The following ATP8A2 variants were observed in gnomAD, a reference collection of about 807,000 sequenced individuals.
ATP8A2 encodes ATPase phospholipid transporting 8A2.
A neutral mutation model predicts 165.6 loss-of-function variants in ATP8A2; 100 were observed. The ratio of observed to expected loss-of-function variants is 0.60; its 90% CI spans 0.51 to 0.71. The LOEUF is 0.71. Ranked by LOEUF, ATP8A2 falls within the 30% of genes least tolerant of loss-of-function variation. The probability of loss-of-function intolerance (pLI) is 0.00; values close to 1 mark genes in which losing one functional copy is unlikely to be tolerated. For synonymous variants in ATP8A2, 543 were observed against 548.8 expected, an observed-to-expected ratio of 0.99 and a Z score of 0.15; for missense variants, 1,227 against 1,479.5, an observed-to-expected ratio of 0.83 and a Z score of 2.80.
intron 30 of ATP8A2, among the ~76,000 whole-genome samples, chr13:25,841,080 C>T (rs983383622): frequency 6.6e-5 from 10 of 152,178 alleles, no homozygotes; most frequent in African/African-American, 1.9e-4. Flanking sequence ...GCAGTGGAGA[C>T]GATGGTTTTC....
At chr13:25,674,833 T>C (rs1015413990) in intron 24 of ATP8A2, among the ~76,000 whole-genome samples, 3 of 152,206 alleles carry the variant, frequency 2.0e-5, no homozygotes, top group Non-Finnish European at 4.4e-5. Context: ...GAAGTAAGAA[T>C]TTGCTTATAG....
intron 33 of ATP8A2, among the ~76,000 whole-genome samples, chr13:25,892,064 G>A (rs901752285): frequency 6.6e-6 from 1 of 151,082 alleles, no homozygotes; most frequent in Non-Finnish European, 1.5e-5. Context: ...TTGGCTCACT[G>A]CAAGCTCCAC....
intron 33 of ATP8A2, among the ~76,000 whole-genome samples, chr13:25,885,707 A>G (rs1953128926): frequency 6.6e-6 from 1 of 152,196 alleles, no homozygotes. Flanking sequence ...AGAATTAAAC[A>G]ATCAGAAACT....
chr13:25,918,093 G>A (rs989767449), intron 33 of ATP8A2, among the ~76,000 whole-genome samples: 2 of 152,214 alleles, frequency 1.3e-5, no homozygotes, highest in African/African-American at 4.8e-5. Context: ...TTCATCACTT[G>A]TAAAGTGGAA....
chr13:25,388,934 G>A (rs1184236432), intron 1 of ATP8A2, among the ~76,000 whole-genome samples: 1 of 152,196 alleles, frequency 6.6e-6, no homozygotes, highest in African/African-American at 2.4e-5. Context: ...GAAAGCCAAT[G>A]GGAATCCAAT....
chr13:26,001,700 C>T (rs1216029336), intron 35 of ATP8A2, among the ~76,000 whole-genome samples: 1 of 151,892 alleles, frequency 6.6e-6, no homozygotes, highest in African/African-American at 2.4e-5. Context: ...AGTCCTTTGC[C>T]CATTTTTTAA....
In ATP8A2 at chr13:25,574,803, T is replaced by A. The variant is rs2039569911; in HGVS notation, c.1663-5T>A. On this transcript the variant is annotated splice_polypyrimidine_tract_variant and splice_region_variant and intron_variant, in intron 18 of 36. Transcript: ENST00000381655. The stretch of plus-strand genomic sequence containing the variant: ...TCGGTTAAGAGCCTATTTTTCTTCC[T>A]TTAGATGGGACAGGAACAAACATTC... The A allele has an allele frequency of 3.2e-6, 5 of 1,551,300 alleles. No individual in the cohort carries two copies. The East Asian group carries it at 1.1e-4, about 35-fold the overall frequency.
At chr13:25,765,296 A>C (rs2044468477) in intron 25 of ATP8A2, among the ~76,000 whole-genome samples, 1 of 152,236 alleles carries the variant, frequency 6.6e-6, no homozygotes, top group African/African-American at 2.4e-5. Context: ...AGTGCCCCCA[A>C]GCACCTAGCT....
intron 1 of ATP8A2, among the ~76,000 whole-genome samples, chr13:25,461,261 C>A (rs1337956301): frequency 6.6e-6 from 1 of 152,146 alleles, no homozygotes; most frequent in Non-Finnish European, 1.5e-5. Flanking sequence ...CTTGAAAAGG[C>A]CTTCGAAATG....
At chr13:25,531,227 T>TTA (rs1284703150) in intron 4 of ATP8A2, among the ~76,000 whole-genome samples, 32 of 111,750 alleles carry the variant, frequency 2.9e-4, no homozygotes, top group African/African-American at 1.1e-3. Context: ...ATGATATATG[T>TTA]TATATATGAT....
chr13:25,452,100 A>G (rs372934617), intron 1 of ATP8A2, among the ~76,000 whole-genome samples: 17 of 151,888 alleles, frequency 1.1e-4, no homozygotes, highest in East Asian at 5.8e-4. Flanking sequence ...TGATCCGCCC[A>G]CCTCAGCCTC....
chr13:25,820,960 T>TC (rs1951165386), intron 27 of ATP8A2, among the ~76,000 whole-genome samples: 1 of 151,940 alleles, frequency 6.6e-6, no homozygotes, highest in African/African-American at 2.4e-5. Flanking sequence ...TTTTTTTTTT[T>TC]CTCTACCAAG....
chr13:25,741,863 ACCTGAGCCTGAGTCTATAATG>A (rs2043920476), intron 25 of ATP8A2, among the ~76,000 whole-genome samples: 1 of 152,184 alleles, frequency 6.6e-6, no homozygotes, highest in Non-Finnish European at 1.5e-5. Context: ...CTCTTGAGAT[ACCTGAGCCTGAGTCTATAATG>A]CCTGAGGGCA....
intron 27 of ATP8A2, among the ~76,000 whole-genome samples, chr13:25,807,922 T>C (rs1950776781): frequency 6.6e-6 from 1 of 152,204 alleles, no homozygotes; most frequent in Non-Finnish European, 1.5e-5. Flanking sequence ...TTGTTCTTTT[T>C]TTCTACAGTA....
At chr13:25,831,768 G>A (rs561697580) in intron 28 of ATP8A2, among the ~76,000 whole-genome samples, 3 of 147,240 alleles carry the variant, frequency 2.0e-5, no homozygotes, top group Non-Finnish European at 3.0e-5. Context: ...GCTTGAACCC[G>A]GGAGGCGGAG....
intron 1 of ATP8A2, among the ~76,000 whole-genome samples, chr13:25,376,740 G>A (rs2032641024): frequency 6.6e-6 from 1 of 152,218 alleles, no homozygotes; most frequent in Admixed American, 6.5e-5. Context: ...TGTAATAGAA[G>A]AATTGGCAAA....
rs1365680290 is a variant in ATP8A2 at position 25,551,385 on chromosome 13, T to C, written c.939T>C (p.Thr313=). 6.2e-7 allele frequency: 1 copy of C among 1,614,176 alleles called. No individual in the cohort carries two copies. Among genetic ancestry groups the C allele is most frequent in the Admixed American group, 1.7e-5 (1 of 60,030 alleles). ...PLKRSNVEKV[T]NVQILVLFGI... is the part of the protein sequence containing the mutation. ...AGAGATCAAATGTTGAGAAGGTGAC[T>C]AACGTGCAGATCCTGGTGTTGTTTG... Residue 313 remains threonine (T), a synonymous_variant, in exon 11 of 37, where the codon ACT becomes ACC. Transcript: ENST00000381655.
intron 33 of ATP8A2, among the ~76,000 whole-genome samples, chr13:25,939,875 C>A (rs528401100): frequency 1.9e-4 from 29 of 152,324 alleles, no homozygotes; most frequent in African/African-American, 6.5e-4. Flanking sequence ...CGCCTTTCTT[C>A]TTCCAGTGGG....
chr13:25,644,765 G>A (rs535380400), intron 24 of ATP8A2, among the ~76,000 whole-genome samples: 43 of 151,922 alleles, frequency 2.8e-4, no homozygotes, highest in East Asian at 1.2e-3. Flanking sequence ...TCTATTTTTC[G>A]TGATTCAGTC....
Sources: allele counts gnomAD v4.1 joint callset (sites outside exome capture counted in the v4.1 genomes callset), GRCh38; gene constraint gnomAD v4.1.1; transcripts MANE v1.5; gene names NCBI Gene and HGNC (gene_info 2026-07-23, HGNC 2026-07-21).